The following PCDHGA8 variants were observed in gnomAD, a reference collection of about 807,000 sequenced individuals.
The protein encoded by PCDHGA8 is protocadherin gamma subfamily A, 8.
PCDHGA8 carries 45 observed loss-of-function variants against 59.2 expected under a neutral mutation model. The ratio of observed to expected loss-of-function variants is 0.76; its 90% confidence interval spans 0.60 to 0.98. PCDHGA8 has a LOEUF of 0.98. PCDHGA8 is among the 50% of genes least tolerant of loss of function. The probability of loss-of-function intolerance (pLI) is 0.00; values close to 1 mark genes in which losing one functional copy is unlikely to be tolerated. For missense variants in PCDHGA8, 1,257 were observed against 1,196.2 expected, an observed-to-expected ratio of 1.05 and a Z score of -0.75; for synonymous variants, 531 against 519.0, an observed-to-expected ratio of 1.02 and a Z score of -0.32.
Position 141,485,549 on chromosome 5 carries a change from G to A in PCDHGA8, c.2425-9258G>A. 6.2e-7 allele frequency: 1 copy of A among 1,614,030 alleles called. No homozygotes were observed. The highest frequency in any genetic ancestry group is 1.1e-5 in the South Asian group (1 of 91,068). On this transcript the variant is annotated intron_variant, in intron 1 of 3. Transcript: ENST00000398604. The surrounding 1 kb of genome is among the most constrained non-coding windows in gnomAD (Gnocchi z 5.7). ...CCGAGCAGAGGTAGAGATCGTAGATGTGAATGATCACGCCCCCCGTTTTCC... is the reference window on the plus strand; with the variant it reads ...CCGAGCAGAGGTAGAGATCGTAGATATGAATGATCACGCCCCCCGTTTTCC...
At chr5:141,403,153 C>T (rs2094362720) in intron 1 of PCDHGA8, 2 of 1,614,060 alleles carry the variant, frequency 1.2e-6, no homozygotes, top group Non-Finnish European at 1.7e-6. Flanking sequence ...TCCGCATCGT[C>T]TCTAGAGGTA....
intron 1 of PCDHGA8, chr5:141,421,544 A>G (rs2096582597): frequency 6.2e-7 from 1 of 1,613,912 alleles, no homozygotes; most frequent in African/African-American, 1.3e-5. Context: ...TGTTTTTTAA[A>G]TATGGAACTT....
intron 1 of PCDHGA8, among the ~76,000 whole-genome samples, chr5:141,457,912 C>T (rs991917175): frequency 1.3e-5 from 2 of 152,120 alleles, no homozygotes; most frequent in African/African-American, 4.8e-5. Context: ...GGTGTGAGGC[C>T]AGTTCTCCCC....
At chr5:141,495,010 G>T (rs1327870362) in intron 2 of PCDHGA8, 145 bp downstream of exon 2, 1 of 1,516,970 alleles carries the variant, frequency 6.6e-7, no homozygotes, top group Non-Finnish European at 8.9e-7. Flanking sequence ...GTGTGCGGGG[G>T]GCTGGCACAC....
chr5:141,494,812 C>G lies in PCDHGA8; in HGVS notation c.2430C>G (p.Ala810=). The part of the protein sequence containing the change: ...YKNEADHGQQ[A]PPNTDWRFSQ... ...TCCCTCTGTTTTCTCCACAGCAAGCCCCGCCCAACACGGACTGGCGTTTCT... is the reference window on the plus strand; with the variant it reads ...TCCCTCTGTTTTCTCCACAGCAAGCGCCGCCCAACACGGACTGGCGTTTCT... The change falls in exon 2 of 4, where the codon GCC becomes GCG. Residue 810 remains alanine, a synonymous_variant. Coordinates refer to ENST00000398604, the MANE Select transcript of PCDHGA8 (RefSeq NM_032088.2). 4 of 1,614,146 alleles carry G rather than the reference C, an allele frequency of 2.5e-6. No homozygotes were observed. The highest frequency in any genetic ancestry group is 3.4e-6 in the Non-Finnish European group (4 of 1,180,016).
Position 141,394,523 on chromosome 5 carries a change from C to A in PCDHGA8, c.1710C>A (p.Asp570Glu), listed in dbSNP as rs373702756. ...TCCTGTACCCCGCCCTCCCCACAGACGGTTCCACTGGCGTGGAGCTGGCGC... is the reference window on the plus strand; with the variant it reads ...TCCTGTACCCCGCCCTCCCCACAGAAGGTTCCACTGGCGTGGAGCTGGCGC... ...PEILYPALPTDGSTGVELAPR... is the reference protein window; with the variant it reads ...PEILYPALPTEGSTGVELAPR... Residue 570 changes from aspartate (D) to glutamate (E), a missense_variant, in exon 1 of 4, where the codon GAC becomes GAA. Physicochemically the swap from Asp to Glu is conservative, Grantham distance 45 (BLOSUM62 2). Transcript: ENST00000398604. The A allele has an allele frequency of 1.1e-5, 17 of 1,614,116 alleles. No homozygotes were observed. The highest frequency in any genetic ancestry group is 5.3e-5 in the African/African-American group (4 of 74,950).
Position 141,491,963 on chromosome 5 carries a change from C to A in PCDHGA8, c.2425-2844C>A. ...CCCCCACCCCTACACTCAAAAAAGG[C>A]CGGGGCCTCCTTCGAGCTTCCGGTG... On this transcript the variant is annotated intron_variant, in intron 1 of 3. Coordinates refer to ENST00000398604, the MANE Select transcript of PCDHGA8 (RefSeq NM_032088.2). This position sits in a 1 kb window ranked among gnomAD's most constrained non-coding sequence, Gnocchi z 6.9. 2 of 944,828 alleles carry A rather than the reference C, an allele frequency of 2.1e-6. No homozygotes were observed. Among genetic ancestry groups the A allele is most frequent in the Non-Finnish European group, 3.0e-6 (2 of 670,874 alleles). 58.5% of individuals were successfully genotyped at this position (944,828 alleles called of 1,614,324 possible).
chr5:141,426,513 CG>C, intron 1 of PCDHGA8: 1 of 341,148 alleles, frequency 2.9e-6, no homozygotes, highest in Non-Finnish European at 5.8e-6. Flanking sequence ...AATACTTTAC[CG>C]TGAACACGGA....
In PCDHGA8 at chr5:141,511,519, C is replaced by G; in HGVS notation, c.*346C>G. 2.7e-6 allele frequency: 1 copy of G among 367,516 alleles called. No homozygotes were observed. Among genetic ancestry groups the G allele is most frequent in the African/African-American group, 2.1e-5 (1 of 48,286 alleles). 22.8% of individuals were successfully genotyped at this position (367,516 alleles called of 1,614,324 possible). A position where few individuals can be genotyped will look rare whatever the true frequency, so the allele number is the denominator to read the frequency against. ...CCAAATCAATCAGGCCCATCCATCC[C>G]ATGCCTCCCTCCTCCCCACCCCACT... On this transcript the variant is annotated 3_prime_UTR_variant, in exon 4 of 4. Coordinates refer to ENST00000398604, the MANE Select transcript of PCDHGA8 (RefSeq NM_032088.2).
At chr5:141,403,546 C>A (rs62378450) in intron 1 of PCDHGA8, 1 of 1,613,984 alleles carries the variant, frequency 6.2e-7, no homozygotes, top group South Asian at 1.1e-5. Flanking sequence ...TGCTGGAGCG[C>A]GCCCTGGACA....
rs1282662717 is a variant in PCDHGA8 at position 141,394,991 on chromosome 5, G to C, written c.2178G>C (p.Gln726His). ...LRRWHKSRLLQDSGGRLVGVP... is the reference protein window; with the variant it reads ...LRRWHKSRLLHDSGGRLVGVP... ...GCTGGCACAAGTCACGCCTGCTCCA[G>C]GATTCCGGTGGCAGATTGGTAGGCG... The change falls in exon 1 of 4, where the codon CAG (glutamine) becomes CAC (histidine). Residue 726 changes from glutamine to histidine, a missense_variant. Transcript: ENST00000398604. The C allele has an allele frequency of 6.2e-7, 1 of 1,614,012 alleles. No individual in the cohort carries two copies. Among genetic ancestry groups the C allele is most frequent in the East Asian group, 2.2e-5 (1 of 44,880 alleles).
intron 1 of PCDHGA8, chr5:141,415,853 GTAGT>G: frequency 2.5e-6 from 3 of 1,186,350 alleles, no homozygotes; most frequent in Non-Finnish European, 3.3e-6. Context: ...GCAGAACCTT[GTAGT>G]TTATAGTGTT....
chr5:141,399,497 TACCCGAAAACA>T, intron 1 of PCDHGA8: 2 of 1,614,030 alleles, frequency 1.2e-6, no homozygotes, highest in Non-Finnish European at 1.7e-6. Flanking sequence ...TTAGTCAGTG[TACCCGAAAACA>T]ACCCTCCTGG....
chr5:141,485,511 C>G lies in PCDHGA8; in HGVS notation c.2425-9296C>G, dbSNP rs1168331122. The G allele has an allele frequency of 1.2e-6, 2 of 1,614,042 alleles. No individual in the cohort carries two copies. Among genetic ancestry groups the G allele is most frequent in the Non-Finnish European group, 1.7e-6 (2 of 1,180,038 alleles). On this transcript the variant is annotated intron_variant, in intron 1 of 3. Transcript: ENST00000398604. The surrounding 1 kb of genome is among the most constrained non-coding windows in gnomAD (Gnocchi z 5.7). Reference sequence around the variant, plus strand: ...CCCCTGGAGTTTGTCACCGAAGGTCCTTTGGAAATGTACCGAGCAGAGGTA... The same window carrying G: ...CCCCTGGAGTTTGTCACCGAAGGTCGTTTGGAAATGTACCGAGCAGAGGTA...
intron 1 of PCDHGA8, chr5:141,433,041 C>G (rs1171788078): frequency 6.2e-7 from 1 of 1,614,036 alleles, no homozygotes; most frequent in Non-Finnish European, 8.5e-7. Flanking sequence ...TCCCTCACCA[C>G]GGACTCGCGG....
chr5:141,473,308 A>G (rs1248143328), intron 1 of PCDHGA8, among the ~76,000 whole-genome samples: 1 of 152,234 alleles, frequency 6.6e-6, no homozygotes, highest in Non-Finnish European at 1.5e-5. Context: ...AGATTGCTAT[A>G]TTAATAAGCA....
In PCDHGA8 at chr5:141,486,563, G is replaced by A. The variant is rs558244990; in HGVS notation, c.2425-8244G>A. The A allele has an allele frequency of 1.2e-6, 2 of 1,614,006 alleles. No homozygotes were observed. The highest frequency in any genetic ancestry group is 1.7e-6 in the Non-Finnish European group (2 of 1,180,036). On this transcript the variant is annotated intron_variant, in intron 1 of 3. Coordinates refer to ENST00000398604, the MANE Select transcript of PCDHGA8 (RefSeq NM_032088.2). The surrounding 1 kb of genome is among the most constrained non-coding windows in gnomAD (Gnocchi z 5.0). ...CTTTCAGAGGTCACATGAGGTGTTTGTTCCTGAGAACAATCGCCCAGGGGA... is the reference window on the plus strand; with the variant it reads ...CTTTCAGAGGTCACATGAGGTGTTTATTCCTGAGAACAATCGCCCAGGGGA...
At chr5:141,462,387 A>G (rs781355919) in intron 1 of PCDHGA8, among the ~76,000 whole-genome samples, 13 of 152,178 alleles carry the variant, frequency 8.5e-5, no homozygotes, top group Non-Finnish European at 1.3e-4. Context: ...AAATTCGTTA[A>G]CATTTCTTTT....
At position 141,477,166 on chromosome 5, in the gene PCDHGA8, G is replaced by A. The variant is rs753389305; in HGVS notation, c.2425-17641G>A. ...TTGTGGATGTGAATGACAACGCCCC[G>A]GAGATCACAGTCACCTCCGTGTACA... On this transcript the variant is annotated intron_variant, in intron 1 of 3. Transcript: ENST00000398604. This position sits in a 1 kb window ranked among gnomAD's most constrained non-coding sequence, Gnocchi z 4.9. 5.9e-5 allele frequency: 96 copies of A among 1,614,012 alleles called. 1 individual carries two copies. Among genetic ancestry groups the A allele is most frequent in the Non-Finnish European group, 7.9e-5 (93 of 1,180,030 alleles).
Sources: allele counts gnomAD v4.1 joint callset (sites outside exome capture counted in the v4.1 genomes callset), GRCh38; gene constraint gnomAD v4.1.1; non-coding constraint Gnocchi (gnomAD v3.1); transcripts MANE v1.5; gene names NCBI Gene and HGNC (gene_info 2026-07-23, HGNC 2026-07-21).